The following NRG3 variants were observed in gnomAD, a reference collection of about 807,000 sequenced individuals.
NRG3 encodes pro-neuregulin-3, membrane-bound isoform.
NRG3 carries 31 observed loss-of-function variants against 66.9 expected under a neutral mutation model. The observed-to-expected ratio is 0.46, with a 90% confidence interval of 0.35 to 0.63. The LOEUF is 0.63. NRG3 is among the 20% of genes least tolerant of loss of function. The pLI is 0.00. For synonymous variants in NRG3, 393 were observed against 359.4 expected (o/e 1.09, Z -1.06); for missense variants, 910 against 878.9 (o/e 1.04, Z -0.45).
intron 2 of NRG3, among the ~76,000 whole-genome samples, chr10:82,496,850 C>T (rs1309813705): frequency 6.6e-6 from 1 of 152,080 alleles, no homozygotes; most frequent in Non-Finnish European, 1.5e-5. Flanking sequence ...ATTAGAGACT[C>T]CAAGGATTTG....
At chr10:82,130,171 C>A (rs1043781213) in intron 1 of NRG3, among the ~76,000 whole-genome samples, 9 of 151,296 alleles carry the variant, frequency 5.9e-5, no homozygotes, top group African/African-American at 1.9e-4. Context: ...CATTCATATT[C>A]TTTTATTCTA....
chr10:82,037,776 G>A (rs551968698), intron 1 of NRG3, among the ~76,000 whole-genome samples: 4 of 152,106 alleles, frequency 2.6e-5, no homozygotes, highest in African/African-American at 9.6e-5. Flanking sequence ...CCTCACACGG[G>A]CTTTCCAGGG....
chr10:82,073,586 A>AGG (rs948080698), intron 1 of NRG3, among the ~76,000 whole-genome samples: 1 of 152,156 alleles, frequency 6.6e-6, no homozygotes, highest in African/African-American at 2.4e-5. Flanking sequence ...TAGATCATAT[A>AGG]GGGAATGTCT....
At chr10:82,539,460 C>T (rs1444177697) in intron 2 of NRG3, among the ~76,000 whole-genome samples, 2 of 152,138 alleles carry the variant, frequency 1.3e-5, no homozygotes, top group Admixed American at 6.5e-5. Context: ...TTACATACAT[C>T]TTTCTCTATG....
intron 2 of NRG3, among the ~76,000 whole-genome samples, chr10:82,460,719 T>C (rs1187102624): frequency 6.6e-6 from 1 of 152,066 alleles, no homozygotes; most frequent in Admixed American, 6.5e-5. Flanking sequence ...GGAGCACAGA[T>C]ATGACACTGC....
rs554807127 is a variant in NRG3 at position 82,584,525 on chromosome 10, T to C, written c.954-154052T>C. On this transcript the variant is annotated intron_variant, in intron 2 of 8. Transcript: ENST00000372141. Reference sequence around the variant, plus strand: ...ATAAATTAAGCCACAAATTATTGGGTTCATGAGTAAAACCTTACTTTGAAA... The same window carrying C: ...ATAAATTAAGCCACAAATTATTGGGCTCATGAGTAAAACCTTACTTTGAAA... Among the ~76,000 whole-genome samples the C allele has an allele frequency of 2.6e-5, 4 of 152,296 alleles. No homozygotes were observed. In the South Asian group the frequency reaches 6.2e-4, roughly 24 times the overall value.
intron 2 of NRG3, among the ~76,000 whole-genome samples, chr10:82,735,592 T>C (rs965775387): frequency 1.4e-4 from 22 of 152,110 alleles, no homozygotes; most frequent in African/African-American, 5.1e-4. Flanking sequence ...AAAGAATAAG[T>C]TCGTGTCCTT....
intron 1 of NRG3, among the ~76,000 whole-genome samples, chr10:82,188,692 A>G (rs754246142): frequency 1.8e-4 from 28 of 152,210 alleles, no homozygotes; most frequent in Non-Finnish European, 2.8e-4. Context: ...GCAAACACCT[A>G]TATGAAAAGG....
intron 1 of NRG3, among the ~76,000 whole-genome samples, chr10:82,159,930 C>A (rs2132928337): frequency 6.6e-6 from 1 of 151,940 alleles, no homozygotes; most frequent in South Asian, 2.1e-4. Flanking sequence ...ATGAATGGAG[C>A]AAAAAATTCA....
chr10:81,946,005 A>G lies in NRG3; in HGVS notation c.823+69842A>G, dbSNP rs571434135. On this transcript the variant is annotated intron_variant, in intron 1 of 8. Transcript: ENST00000372141. ...AGAACGAACCTCTCAGAAAGAACCA[A>G]CCTTGCTGATACCTTGATCTTCTTT... Among the ~76,000 whole-genome samples, 11 of 152,138 alleles carry G rather than the reference A, an allele frequency of 7.2e-5. No homozygotes were observed. In the East Asian group the frequency reaches 1.9e-3, roughly 27 times the overall value.
At chr10:82,137,722 G>A (rs2069473787) in intron 1 of NRG3, among the ~76,000 whole-genome samples, 2 of 152,300 alleles carry the variant, frequency 1.3e-5, no homozygotes, top group African/African-American at 4.8e-5. Flanking sequence ...AAAGATTGGA[G>A]CAGCAAGAAT....
intron 1 of NRG3, among the ~76,000 whole-genome samples, chr10:82,167,745 A>G (rs2133052061): frequency 6.6e-6 from 1 of 152,216 alleles, no homozygotes; most frequent in East Asian, 1.9e-4. Context: ...GCTTATATTT[A>G]CCACCTTCTT....
intron 1 of NRG3, among the ~76,000 whole-genome samples, chr10:82,162,818 T>G (rs182005973): frequency 6.6e-6 from 1 of 152,298 alleles, no homozygotes; most frequent in Non-Finnish European, 1.5e-5. Flanking sequence ...AGTCCTCCCT[T>G]CATGACTCAG....
At chr10:82,472,012 T>C (rs1841314109) in intron 2 of NRG3, among the ~76,000 whole-genome samples, 1 of 152,060 alleles carries the variant, frequency 6.6e-6, no homozygotes. Context: ...GTAGGATAAA[T>C]TACTTAATAT....
chr10:82,797,323 T>C (rs11195990), intron 3 of NRG3, among the ~76,000 whole-genome samples: 9,235 of 152,190 alleles, frequency 0.061, 383 homozygotes, highest in East Asian at 0.19. Context: ...CAACAACTTT[T>C]AAAGTTTATA....
At chr10:81,988,091 C>A (rs1276836057) in intron 1 of NRG3, among the ~76,000 whole-genome samples, 2 of 152,068 alleles carry the variant, frequency 1.3e-5, no homozygotes, top group Admixed American at 6.6e-5. Flanking sequence ...AAAGAAAAAA[C>A]CAAAATGCAT....
In NRG3 at chr10:82,358,890, T is replaced by C. The variant is rs756483335; in HGVS notation, c.953+22T>C. ...GTCGGTAAGCCACTGAGGCCACTGA[T>C]GGAAAGGGCAGGCCCGTTGCAAGGC... On this transcript the variant is annotated intron_variant, in intron 2 of 8. Transcript: ENST00000372141. 18 of 1,613,792 alleles carry C rather than the reference T, an allele frequency of 1.1e-5. No homozygotes were observed. In the Admixed American group the frequency reaches 2.8e-4, roughly 25 times the overall value.
intron 2 of NRG3, among the ~76,000 whole-genome samples, chr10:82,658,986 G>A (rs745765179): frequency 6.6e-6 from 1 of 152,092 alleles, no homozygotes; most frequent in Non-Finnish European, 1.5e-5. Context: ...GGAATGAGGA[G>A]GCTATAATTG....
At position 82,232,849 on chromosome 10, in the gene NRG3, G is replaced by A. The variant is rs561114505; in HGVS notation, c.824-125890G>A. On this transcript the variant is annotated intron_variant, in intron 1 of 8. Transcript: ENST00000372141. ...GTTGTAAGGCATGGCCTTTGTTGGG[G>A]TTTCTGAGAGAAGGGTAAGGCAGGA... 29 of 717,230 alleles carry A rather than the reference G, an allele frequency of 4.0e-5. 1 individual carries two copies. The East Asian group carries it at 7.2e-4, about 18-fold the overall frequency. The allele number at this position is 717,230 out of a possible 1,614,324, so 44.4% of individuals were successfully genotyped here.
Sources: gnomAD v4.1 joint callset for allele counts (sites outside exome capture counted in the v4.1 genomes callset) on GRCh38, gnomAD v4.1.1 for gene constraint, MANE v1.5 for transcripts, NCBI Gene and HGNC (gene_info 2026-07-23, HGNC 2026-07-21) for gene names.